Variants in SLC24A2 observed in about 807,000 individuals in gnomAD.
The protein encoded by SLC24A2 is sodium/potassium/calcium exchanger 2.
In SLC24A2, 36 loss-of-function variants were observed where a neutral mutation model predicts 62.0. The ratio of observed to expected loss-of-function variants is 0.58; its 90% CI spans 0.44 to 0.77. The LOEUF is 0.77. Ranked by LOEUF, SLC24A2 falls within the 30% of genes least tolerant of loss-of-function variation. The pLI, the probability that SLC24A2 is intolerant of heterozygous loss-of-function variation, is 0.00. For synonymous variants in SLC24A2, 358 were observed against 294.0 expected, an observed-to-expected ratio of 1.22 and a Z score of -2.23; for missense variants, 846 against 817.9, an observed-to-expected ratio of 1.03 and a Z score of -0.42.
At position 19,556,563 on chromosome 9, in the gene SLC24A2, C is replaced by T. The variant is rs139685182; in HGVS notation, c.1348-6295G>A. Among the ~76,000 whole-genome samples the T allele has an allele frequency of 7.2e-3, 1,097 of 152,194 alleles. 9 individuals carry two copies. Among genetic ancestry groups the T allele is most frequent in the Non-Finnish European group, 0.011 (715 of 68,006 alleles). ...ATCACCAGTTCACAAGGAGCAATCT[C>T]GGAGGATCACCCAGGTTTGCCTAAA... On this transcript the variant is annotated intron_variant, in intron 7 of 10. Coordinates refer to ENST00000341998, the MANE Select transcript of SLC24A2 (RefSeq NM_020344.4).
At chr9:19,605,027 A>G (rs996758520) in intron 4 of SLC24A2, among the ~76,000 whole-genome samples, 3 of 152,236 alleles carry the variant, frequency 2.0e-5, no homozygotes, top group African/African-American at 4.8e-5. Flanking sequence ...GTGGGATTAC[A>G]TAAGTCAGTT....
At chr9:19,906,506 A>G in the SLC24A2 span, among the ~76,000 whole-genome samples, 1 of 152,056 alleles carries the variant, frequency 6.6e-6, no homozygotes, top group African/African-American at 2.4e-5. Flanking sequence ...ATAGAGACAC[A>G]AAAAACCCTT....
intron 2 of SLC24A2, among the ~76,000 whole-genome samples, chr9:19,754,954 T>C (rs1291022224): frequency 3.3e-5 from 5 of 152,158 alleles, no homozygotes; most frequent in African/African-American, 1.2e-4. Context: ...TAAAACCTGA[T>C]CTCTCTTTAA....
chr9:19,819,638 C>A, the SLC24A2 span, among the ~76,000 whole-genome samples: 1 of 152,080 alleles, frequency 6.6e-6, no homozygotes, highest in East Asian at 1.9e-4. Flanking sequence ...CGGGGAACTG[C>A]AAATCAAAAC....
chr9:19,780,262 G>GCTTTTT (rs1822973129), intron 2 of SLC24A2, among the ~76,000 whole-genome samples: 2 of 140,016 alleles, frequency 1.4e-5, no homozygotes, highest in Non-Finnish European at 3.1e-5. Context: ...GGTTAAAATT[G>GCTTTTT]CTTTTTCTTT....
At chr9:19,805,649 T>C in the SLC24A2 span, among the ~76,000 whole-genome samples, 2 of 152,140 alleles carry the variant, frequency 1.3e-5, no homozygotes, top group Middle Eastern at 3.2e-3. Context: ...CTGTGAGCAA[T>C]TAAACATAGT....
At position 19,599,604 on chromosome 9, in the gene SLC24A2, G is replaced by A. The variant is rs926031084; in HGVS notation, c.1079-2325C>T. Among the ~76,000 whole-genome samples, 1 of 152,208 alleles carries A rather than the reference G, an allele frequency of 6.6e-6. No individual in the cohort carries two copies. Among genetic ancestry groups the A allele is most frequent in the Non-Finnish European group, 1.5e-5 (1 of 68,030 alleles). The stretch of plus-strand genomic sequence containing the variant: ...ACAGGATGGTGAGATGGTGAACTCA[G>A]CAGCAGCATCCTAAGGAGGATTGGG... On this transcript the variant is annotated intron_variant, in intron 4 of 10. Transcript: ENST00000341998. The surrounding 1 kb of genome is among the most constrained non-coding windows in gnomAD (Gnocchi z 4.5).
chr9:19,875,323 A>G, the SLC24A2 span, among the ~76,000 whole-genome samples: 4 of 152,234 alleles, frequency 2.6e-5, no homozygotes, highest in Non-Finnish European at 4.4e-5. Flanking sequence ...AAGTCATTTG[A>G]AAATGAGGTG....
chr9:19,896,438 G>A, the SLC24A2 span, among the ~76,000 whole-genome samples: 6 of 152,178 alleles, frequency 3.9e-5, no homozygotes, highest in Non-Finnish European at 8.8e-5. Context: ...AAGACACTAG[G>A]CATTGTTAAA....
the SLC24A2 span, among the ~76,000 whole-genome samples, chr9:20,223,281 T>C: frequency 1.3e-5 from 2 of 152,148 alleles, no homozygotes; most frequent in African/African-American, 2.4e-5. Context: ...ACCACATTCA[T>C]TGATGGAAAG....
chr9:20,228,528 G>A, the SLC24A2 span, among the ~76,000 whole-genome samples: 1 of 152,076 alleles, frequency 6.6e-6, no homozygotes, highest in Non-Finnish European at 1.5e-5. Context: ...GGGAGGTGAA[G>A]GTGACTCCAA....
At chr9:20,048,723 T>C in the SLC24A2 span, among the ~76,000 whole-genome samples, 1 of 151,870 alleles carries the variant, frequency 6.6e-6, no homozygotes, top group Admixed American at 6.6e-5. Flanking sequence ...TGGAATTCCA[T>C]CAAGTAATTC....
the SLC24A2 span, among the ~76,000 whole-genome samples, chr9:20,077,814 C>A: frequency 6.6e-6 from 1 of 152,068 alleles, no homozygotes; most frequent in East Asian, 1.9e-4. Flanking sequence ...TTTTTGATTG[C>A]TTATTTCTTC....
intron 2 of SLC24A2, among the ~76,000 whole-genome samples, chr9:19,766,304 C>T (rs1005990190): frequency 1.3e-5 from 2 of 152,194 alleles, no homozygotes; most frequent in Non-Finnish European, 2.9e-5. Flanking sequence ...TCTGTCAATT[C>T]GTCAAACTCA....
chr9:19,573,529 C>CACAGAG (rs1390433234), intron 6 of SLC24A2, 60 bp from the exon 7 acceptor site: 17 of 432,682 alleles, frequency 3.9e-5, no homozygotes, highest in East Asian at 3.2e-4. Context: ...CACACACACA[C>CACAGAG]AGAGAGAGAG....
At chr9:19,818,238 C>T in the SLC24A2 span, among the ~76,000 whole-genome samples, 1 of 152,074 alleles carries the variant, frequency 6.6e-6, no homozygotes. Context: ...GTCTCTAACT[C>T]CTACCTGCTA....
the SLC24A2 span, among the ~76,000 whole-genome samples, chr9:20,198,421 G>C: frequency 1.3e-5 from 2 of 152,132 alleles, no homozygotes; most frequent in Non-Finnish European, 2.9e-5. Flanking sequence ...CTTCTTTAGA[G>C]TCAGAGCCAC....
chr9:19,868,793 C>G, the SLC24A2 span, among the ~76,000 whole-genome samples: 1 of 151,756 alleles, frequency 6.6e-6, no homozygotes, highest in Non-Finnish European at 1.5e-5. Context: ...AACTCTAGCT[C>G]TCTTTTGGTT....
the SLC24A2 span, among the ~76,000 whole-genome samples, chr9:20,241,276 GTCAA>G: frequency 6.6e-6 from 1 of 152,192 alleles, no homozygotes; most frequent in East Asian, 1.9e-4. Context: ...GAGTTCTGAA[GTCAA>G]ATAATTAAGC....
Sources: allele counts gnomAD v4.1 joint callset (sites outside exome capture counted in the v4.1 genomes callset), GRCh38; gene constraint gnomAD v4.1.1; non-coding constraint Gnocchi (gnomAD v3.1); transcripts MANE v1.5; gene names NCBI Gene and HGNC (gene_info 2026-07-23, HGNC 2026-07-21).